Variants in MAK observed in about 807,000 individuals in gnomAD.
MAK encodes serine/threonine-protein kinase MAK.
MAK carries 65 observed loss-of-function variants against 82.6 expected under a neutral mutation model. The observed-to-expected ratio is 0.79, with a 90% CI of 0.64 to 0.97. The LOEUF is 0.97. MAK is among the 50% of genes least tolerant of loss of function. MAK has a pLI of 0.00. For missense variants in MAK, 703 were observed against 780.2 expected, an observed-to-expected ratio of 0.90 and a Z score of 1.18; for synonymous variants, 250 against 274.2, an observed-to-expected ratio of 0.91 and a Z score of 0.87.
intron 2 of MAK, among the ~76,000 whole-genome samples, 184 bp downstream of exon 2, chr6:10,830,364 C>T (rs371951467): frequency 1.3e-5 from 2 of 151,776 alleles, no homozygotes; most frequent in Admixed American, 6.6e-5. Context: ...CAGGGTTTCA[C>T]CATGTTGGCC....
chr6:10,782,446 CA>C (rs1344568319), intron 11 of MAK, among the ~76,000 whole-genome samples: 1 of 152,106 alleles, frequency 6.6e-6, no homozygotes, highest in East Asian at 1.9e-4. Context: ...TCAACTTATT[CA>C]ACACCTGTGG....
At chr6:10,785,227 C>T (rs1377991284) in intron 10 of MAK, among the ~76,000 whole-genome samples, 1 of 152,260 alleles carries the variant, frequency 6.6e-6, no homozygotes, top group African/African-American at 2.4e-5. Context: ...CTTTCTGCTT[C>T]GAGGCTTAGT....
chr6:10,837,676 C>T (rs1006171362), intron 1 of MAK, among the ~76,000 whole-genome samples: 1 of 152,256 alleles, frequency 6.6e-6, no homozygotes, highest in Non-Finnish European at 1.5e-5. Flanking sequence ...TATCTAACCA[C>T]ATTTGCATAC....
intron 2 of MAK, 123 bp from the exon 3 acceptor site, chr6:10,819,063 T>C (rs1777721897): frequency 1.4e-6 from 1 of 690,042 alleles, no homozygotes. Flanking sequence ...TCTGTCCTCA[T>C]CCTTATAAGG....
At chr6:10,788,272 A>G (rs1228798623) in intron 10 of MAK, among the ~76,000 whole-genome samples, 2 of 152,054 alleles carry the variant, frequency 1.3e-5, no homozygotes, top group African/African-American at 4.8e-5. Flanking sequence ...GTTTATAAGT[A>G]TAAGCCACCA....
intron 1 of MAK, among the ~76,000 whole-genome samples, chr6:10,834,785 T>C (rs778150874): frequency 2.7e-5 from 4 of 150,752 alleles, no homozygotes; most frequent in Non-Finnish European, 5.9e-5. Flanking sequence ...TGAAAATTAT[T>C]ATTATTATTA....
intron 1 of MAK, among the ~76,000 whole-genome samples, chr6:10,833,631 A>T (rs1189296802): frequency 2.0e-5 from 3 of 151,352 alleles, no homozygotes; most frequent in Non-Finnish European, 4.4e-5. Context: ...TAATAATAAT[A>T]ATAATAATAG....
In MAK at chr6:10,775,239, T is replaced by C. The variant is rs993795478; in HGVS notation, c.1597+89A>G. ...TGTGTATCTCCCAAGTGCACATGTATCTTGGTTGGAAGAGCACTGCAATAT... is the reference window on the plus strand; with the variant it reads ...TGTGTATCTCCCAAGTGCACATGTACCTTGGTTGGAAGAGCACTGCAATAT... On this transcript the variant is annotated intron_variant, in intron 12 of 14. Transcript: ENST00000354489. 1.8e-5 allele frequency: 27 copies of C among 1,461,518 alleles called. No homozygotes were observed. In the African/African-American group the frequency reaches 3.8e-4, roughly 20 times the overall value. The allele number at this position is 1,461,518 out of a possible 1,614,324, so 90.5% of individuals were successfully genotyped here. A position where few individuals can be genotyped will look rare whatever the true frequency, so the allele number is the denominator to read the frequency against.
At position 10,793,055 on chromosome 6, in the gene MAK, T is replaced by A. The variant is rs187244712; in HGVS notation, c.1144-1208A>T. 7.7e-5 allele frequency among the ~76,000 whole-genome samples: 9 copies of A among 116,300 alleles called. No individual in the cohort carries two copies. The highest frequency in any genetic ancestry group is 6.0e-4 in the Admixed American group (7 of 11,620). 76.3% of individuals were successfully genotyped at this position (116,300 alleles called of 152,430 possible). On this transcript the variant is annotated intron_variant, in intron 9 of 14. Coordinates refer to ENST00000354489, the MANE Select transcript of MAK (RefSeq NM_001242957.3). This position sits in a 1 kb window ranked among gnomAD's most constrained non-coding sequence, Gnocchi z 4.6. ...CTGGAAAGGGGCAAATATAATACTT[T>A]TAATAAAGTAGAAGATTTATTTTTG... is the stretch of plus-strand genomic sequence containing the variant.
intron 10 of MAK, among the ~76,000 whole-genome samples, chr6:10,791,299 C>A (rs1268793874): frequency 2.0e-5 from 3 of 151,712 alleles, no homozygotes; most frequent in Non-Finnish European, 4.4e-5. Flanking sequence ...CAGAGTCTCA[C>A]TTTGTTACCC....
Position 10,764,137 on chromosome 6 carries a change from T to G in MAK, c.*315A>C. On this transcript the variant is annotated 3_prime_UTR_variant, in exon 15 of 15. Transcript: ENST00000354489. ...AAACACTCTAAACATTTTCTGGAAGTTGTTTTTTTTTAAGGGTTCTTATTG... is the reference window on the plus strand; with the variant it reads ...AAACACTCTAAACATTTTCTGGAAGGTGTTTTTTTTTAAGGGTTCTTATTG... 1 of 261,732 alleles carries G rather than the reference T, an allele frequency of 3.8e-6. No homozygotes were observed. The highest frequency in any genetic ancestry group is 7.3e-6 in the Non-Finnish European group (1 of 136,616). 16.2% of individuals were successfully genotyped at this position (261,732 alleles called of 1,614,324 possible).
chr6:10,789,353 T>C (rs1301957944), intron 10 of MAK, among the ~76,000 whole-genome samples: 2 of 152,096 alleles, frequency 1.3e-5, no homozygotes, highest in Non-Finnish European at 2.9e-5. Flanking sequence ...TTTGAAAGAA[T>C]ACACATCACT....
At chr6:10,773,723 G>A (rs1298081567) in intron 12 of MAK, among the ~76,000 whole-genome samples, 3 of 136,208 alleles carry the variant, frequency 2.2e-5, no homozygotes, top group East Asian at 2.1e-4. Context: ...ACAGAATCTC[G>A]CTCTGTCGCC....
intron 10 of MAK, among the ~76,000 whole-genome samples, chr6:10,788,947 T>C (rs149270501): frequency 6.6e-5 from 10 of 152,246 alleles, no homozygotes; most frequent in Admixed American, 1.3e-4. Context: ...AGATGAAATA[T>C]TGTGAGGATT....
At chr6:10,781,788 T>A (rs2095022137) in intron 11 of MAK, among the ~76,000 whole-genome samples, 1 of 152,202 alleles carries the variant, frequency 6.6e-6, no homozygotes, top group South Asian at 2.1e-4. Context: ...AAGATATGTA[T>A]ACATTTTTTC....
intron 4 of MAK, among the ~76,000 whole-genome samples, chr6:10,814,764 G>A (rs1364011271): frequency 2.6e-5 from 4 of 151,858 alleles, no homozygotes; most frequent in African/African-American, 7.3e-5. Context: ...TATAAGAGCC[G>A]GCTGGGCATG....
At chr6:10,771,468 C>T (rs558788875) in intron 13 of MAK, among the ~76,000 whole-genome samples, 47 of 152,284 alleles carry the variant, frequency 3.1e-4, no homozygotes, top group Non-Finnish European at 6.3e-4. Flanking sequence ...TGAAGACAAA[C>T]GACAACCAGA....
intron 2 of MAK, among the ~76,000 whole-genome samples, chr6:10,825,424 C>G (rs1459866188): frequency 6.6e-6 from 1 of 151,658 alleles, no homozygotes; most frequent in South Asian, 2.1e-4. Flanking sequence ...TTTGTAAGAT[C>G]CTATTCCAGG....
rs1775548003 is a variant in MAK, at chr6:10,796,249, C to G, written c.892G>C (p.Glu298Gln). The change falls in exon 9 of 15, where the codon GAA (glutamate) becomes CAA (glutamine). Residue 298 changes from glutamate to glutamine, a missense_variant. By Grantham distance (29) the Glu-to-Gln change is conservative (BLOSUM62 2). Transcript: ENST00000354489. ...TGCTTATTTAAAGACTGTTTTGATTCCAGATGATTTGACGAAGGGCCTAAT... is the reference window on the plus strand; with the variant it reads ...TGCTTATTTAAAGACTGTTTTGATTGCAGATGATTTGACGAAGGGCCTAAT... Reference protein sequence around the residue: ...QVLGPSSNHLESKQSLNKQLQ... With the variant: ...QVLGPSSNHLQSKQSLNKQLQ... The G allele has an allele frequency of 6.2e-7, 1 of 1,613,994 alleles. No individual in the cohort carries two copies.
Sources: gnomAD v4.1 joint callset for allele counts (sites outside exome capture counted in the v4.1 genomes callset) on GRCh38, gnomAD v4.1.1 for gene constraint, Gnocchi (gnomAD v3.1) non-coding constraint, MANE v1.5 for transcripts, NCBI Gene and HGNC (gene_info 2026-07-23, HGNC 2026-07-21) for gene names.